ZNF385B: variants seen among roughly 807,000 people sequenced by gnomAD.
The protein encoded by ZNF385B is zinc finger protein 385B.
In ZNF385B, 23 loss-of-function variants were observed where a neutral mutation model predicts 39.2. The observed-to-expected ratio is 0.59, with a 90% confidence interval of 0.42 to 0.83. The LOEUF (loss-of-function observed/expected upper bound fraction) is 0.83. Ranked by LOEUF, ZNF385B falls within the 40% of genes least tolerant of loss-of-function variation. The pLI, the probability that ZNF385B is intolerant of heterozygous loss-of-function variation, is 0.00. For synonymous variants in ZNF385B, 205 were observed against 222.6 expected (o/e 0.92, Z 0.70); for missense variants, 552 against 598.9 (o/e 0.92, Z 0.82).
At chr2:179,778,254 G>A (rs748811581) in intron 1 of ZNF385B, among the ~76,000 whole-genome samples, 4 of 152,190 alleles carry the variant, frequency 2.6e-5, no homozygotes, top group Non-Finnish European at 5.9e-5. Context: ...GCATGAAACA[G>A]CAGCAGAGCA....
chr2:179,837,154 C>A (rs538549026), intron 1 of ZNF385B, among the ~76,000 whole-genome samples: 1 of 152,274 alleles, frequency 6.6e-6, no homozygotes, highest in East Asian at 1.9e-4. Flanking sequence ...TGATAAAACT[C>A]AGAATCATTT....
intron 3 of ZNF385B, among the ~76,000 whole-genome samples, chr2:179,696,776 A>G (rs1698799463): frequency 6.6e-6 from 1 of 152,138 alleles, no homozygotes; most frequent in Admixed American, 6.5e-5. Context: ...ATATATCACT[A>G]CCTGAAATCC....
At chr2:179,515,314 G>T (rs2105792003) in intron 5 of ZNF385B, among the ~76,000 whole-genome samples, 1 of 152,166 alleles carries the variant, frequency 6.6e-6, no homozygotes, top group Admixed American at 6.5e-5. Context: ...TTACATTAGT[G>T]GACTTCATAA....
At chr2:179,452,659 A>C (rs2050271860) in intron 6 of ZNF385B, among the ~76,000 whole-genome samples, 1 of 152,166 alleles carries the variant, frequency 6.6e-6, no homozygotes, top group Admixed American at 6.6e-5. Flanking sequence ...TCTAATCAGA[A>C]TTCAGTGGTT....
chr2:179,585,728 T>C (rs1313754875), intron 3 of ZNF385B: 3 of 152,168 alleles, frequency 2.0e-5, no homozygotes, highest in Non-Finnish European at 4.4e-5. Context: ...CCCTCAACCC[T>C]CATTTAATCA....
intron 5 of ZNF385B, chr2:179,514,270 G>A (rs2057918367): frequency 6.6e-6 from 1 of 152,398 alleles, no homozygotes; most frequent in Admixed American, 6.5e-5. Context: ...AATGGCCAGT[G>A]GACTCCTTGT....
intron 3 of ZNF385B, among the ~76,000 whole-genome samples, chr2:179,716,127 T>C (rs1046858253): frequency 1.2e-4 from 18 of 152,174 alleles, no homozygotes; most frequent in African/African-American, 4.1e-4. Flanking sequence ...AGGAGTTGCA[T>C]TTGGAGACAT....
At chr2:179,606,495 A>C (rs1228574469) in intron 3 of ZNF385B, among the ~76,000 whole-genome samples, 1 of 152,092 alleles carries the variant, frequency 6.6e-6, no homozygotes, top group Non-Finnish European at 1.5e-5. Context: ...CTTTTGGTCT[A>C]AGGAAAATAT....
intron 5 of ZNF385B, among the ~76,000 whole-genome samples, chr2:179,498,720 A>G (rs1225487979): frequency 6.6e-6 from 1 of 151,960 alleles, no homozygotes; most frequent in Non-Finnish European, 1.5e-5. Context: ...AAGTGCCTAC[A>G]TCAAAAAAGA....
chr2:179,532,388 A>G (rs952323964), intron 4 of ZNF385B, among the ~76,000 whole-genome samples: 5 of 152,230 alleles, frequency 3.3e-5, no homozygotes, highest in African/African-American at 1.2e-4. Flanking sequence ...TATGTTGGCC[A>G]TGGATACGGC....
rs1410150552 is a variant in ZNF385B, at chr2:179,657,950, T to C, written c.298+111553A>G. ...CATCTCAAGCTCATGCTTTGCCATC[T>C]CACCACAGTGAAATGATGGAAAACT... On this transcript the variant is annotated intron_variant, in intron 3 of 9. Transcript: ENST00000410066. Among the ~76,000 whole-genome samples the C allele has an allele frequency of 2.0e-5, 3 of 152,136 alleles. No homozygotes were observed. In the South Asian group the frequency reaches 6.2e-4, roughly 32 times the overall value.
At chr2:179,696,513 T>A (rs1052230622) in intron 3 of ZNF385B, among the ~76,000 whole-genome samples, 1 of 151,830 alleles carries the variant, frequency 6.6e-6, no homozygotes, top group Non-Finnish European at 1.5e-5. Flanking sequence ...AAACAATATA[T>A]CCTAATGAAA....
At chr2:179,684,682 CTA>C (rs922819659) in intron 3 of ZNF385B, among the ~76,000 whole-genome samples, 6 of 152,310 alleles carry the variant, frequency 3.9e-5, no homozygotes, top group Admixed American at 3.3e-4. Context: ...ATCAATATTC[CTA>C]ACATCGTGAC....
intron 3 of ZNF385B, among the ~76,000 whole-genome samples, chr2:179,659,213 ATC>A (rs1191834041): frequency 3.9e-5 from 6 of 152,234 alleles, no homozygotes; most frequent in Admixed American, 1.3e-4. Context: ...GATTTCAGAT[ATC>A]TGTTTAGCCT....
chr2:179,703,611 A>G (rs1338226737), intron 3 of ZNF385B, among the ~76,000 whole-genome samples: 1 of 152,230 alleles, frequency 6.6e-6, no homozygotes, highest in African/African-American at 2.4e-5. Flanking sequence ...AGAATGAGCA[A>G]ATTCAAGATT....
At chr2:179,679,555 T>G (rs1190379638) in intron 3 of ZNF385B, among the ~76,000 whole-genome samples, 1 of 152,184 alleles carries the variant, frequency 6.6e-6, no homozygotes, top group Non-Finnish European at 1.5e-5. Context: ...GAGCTTCCAT[T>G]AAAATTCTAA....
At chr2:179,699,190 T>G (rs183678544) in intron 3 of ZNF385B, among the ~76,000 whole-genome samples, 1 of 152,284 alleles carries the variant, frequency 6.6e-6, no homozygotes, top group East Asian at 1.9e-4. Context: ...TATATTCATA[T>G]TGTTATACAA....
At chr2:179,757,415 C>A (rs1288818282) in intron 3 of ZNF385B, among the ~76,000 whole-genome samples, 1 of 152,172 alleles carries the variant, frequency 6.6e-6, no homozygotes, top group Non-Finnish European at 1.5e-5. Flanking sequence ...GGTCAGGGAC[C>A]CACTTGAGGA....
chr2:179,627,886 C>CTATG (rs1322935935), intron 3 of ZNF385B, among the ~76,000 whole-genome samples: 2 of 152,016 alleles, frequency 1.3e-5, no homozygotes, highest in Non-Finnish European at 2.9e-5. Flanking sequence ...CATTTACTTT[C>CTATG]TATGTCTCTT....
Sources: allele counts gnomAD v4.1 joint callset (sites outside exome capture counted in the v4.1 genomes callset), GRCh38; gene constraint gnomAD v4.1.1; transcripts MANE v1.5; gene names NCBI Gene and HGNC (gene_info 2026-07-23, HGNC 2026-07-21).